Variants in ADCY9 observed in about 807,000 individuals in gnomAD.
ADCY9 encodes the protein adenylate cyclase 9, also known as adenylate cyclase type 9.
In ADCY9, 50 loss-of-function variants were observed where a neutral mutation model predicts 101.5. That is an observed-to-expected ratio of 0.49 (90% CI 0.39 to 0.62). The LOEUF (loss-of-function observed/expected upper bound fraction) is 0.62. Among genes scored for constraint, ADCY9 ranks in the 20% least tolerant of loss-of-function variants. The pLI, the probability that ADCY9 is intolerant of heterozygous loss-of-function variation, is 0.00. For missense variants in ADCY9, 1,662 were observed against 1,800.4 expected (o/e 0.92, Z 1.39); for synonymous variants, 905 against 769.3 (o/e 1.18, Z -2.92).
intron 2 of ADCY9, among the ~76,000 whole-genome samples, chr16:4,078,997 T>C (rs961739301): frequency 1.3e-5 from 2 of 152,256 alleles, no homozygotes; most frequent in African/African-American, 4.8e-5. Context: ...GACAATATTA[T>C]ATTTCATCGA....
intron 2 of ADCY9, among the ~76,000 whole-genome samples, chr16:4,094,234 G>C (rs757859729): frequency 3.9e-5 from 6 of 152,038 alleles, no homozygotes; most frequent in Non-Finnish European, 7.3e-5. Context: ...CACGGAGTCA[G>C]TCACTCACTT....
intron 2 of ADCY9, among the ~76,000 whole-genome samples, chr16:4,031,503 A>G (rs964969599): frequency 1.3e-5 from 2 of 152,200 alleles, no homozygotes; most frequent in Non-Finnish European, 2.9e-5. Flanking sequence ...CAAAATGTTA[A>G]CCACGGGTCA....
chr16:3,983,661 G>A, intron 6 of ADCY9: 1 of 567,474 alleles, frequency 1.8e-6, no homozygotes, highest in Non-Finnish European at 3.1e-6. Context: ...GGGCACGGTG[G>A]CTCACGCCTG....
At position 3,965,811 on chromosome 16, in the gene ADCY9, G is replaced by A. The variant is rs139504822; in HGVS notation, c.4026C>T (p.Asn1342=). Reference sequence around the variant, plus strand: ...TTGAAACGTTGAGCTTGGTGAGTTCGTTGGCTTCTTCTATTCCTGTTTCGT... The same window carrying A: ...TTGAAACGTTGAGCTTGGTGAGTTCATTGGCTTCTTCTATTCCTGTTTCGT... ...DCDETGIEEA[N]ELTKLNVSKS... The change falls in exon 11 of 11, where the codon AAC becomes AAT. Residue 1342 remains asparagine (N), a synonymous_variant. Transcript: ENST00000294016. 32 of 1,613,746 alleles carry A rather than the reference G, an allele frequency of 2.0e-5. No individual in the cohort carries two copies. Among genetic ancestry groups the A allele is most frequent in the South Asian group, 1.6e-4 (15 of 91,058 alleles).
intron 2 of ADCY9, among the ~76,000 whole-genome samples, chr16:4,088,951 T>C (rs1454228440): frequency 6.6e-6 from 1 of 151,834 alleles, no homozygotes; most frequent in African/African-American, 2.4e-5. Context: ...GGAAACCCCA[T>C]CCATACCCAT....
intron 8 of ADCY9, 103 bp downstream of exon 8, chr16:3,979,013 C>T: frequency 6.7e-7 from 1 of 1,490,558 alleles, no homozygotes; most frequent in Non-Finnish European, 9.2e-7. Flanking sequence ...CCATGCCTGG[C>T]CAAAGGGTTT....
intron 2 of ADCY9, among the ~76,000 whole-genome samples, chr16:4,020,078 A>AC (rs1555509612): frequency 4.7e-4 from 8 of 16,942 alleles, no homozygotes; most frequent in African/African-American, 1.0e-3. Flanking sequence ...CTCCATCTCA[A>AC]AAAAAGAAAA....
chr16:4,011,462 C>T (rs944692275), intron 2 of ADCY9, among the ~76,000 whole-genome samples: 3 of 152,076 alleles, frequency 2.0e-5, no homozygotes, highest in East Asian at 1.9e-4. Context: ...CCAGCCACAG[C>T]GGGTGGGAAG....
intron 2 of ADCY9, among the ~76,000 whole-genome samples, chr16:4,014,720 T>C (rs1000250886): frequency 6.6e-6 from 1 of 151,958 alleles, no homozygotes; most frequent in Non-Finnish European, 1.5e-5. Context: ...AGTGCTGGGA[T>C]TAAAGGCGTG....
rs2055984958 is a variant in ADCY9, at chr16:3,965,747, G to A, written c.*28C>T. Reference sequence around the variant, plus strand: ...ATATTACTGTGTTTCGACAAACAGAGCACCTCGGGCAGCGGGTGGGCGCCG... The same window carrying A: ...ATATTACTGTGTTTCGACAAACAGAACACCTCGGGCAGCGGGTGGGCGCCG... On this transcript the variant is annotated 3_prime_UTR_variant, in exon 11 of 11. Coordinates refer to ENST00000294016, the MANE Select transcript of ADCY9 (RefSeq NM_001116.4). The A allele has an allele frequency of 6.3e-7, 1 of 1,580,584 alleles. No homozygotes were observed. The highest frequency in any genetic ancestry group is 8.6e-7 in the Non-Finnish European group (1 of 1,159,936).
chr16:3,960,554 A>C (rs1366951688), downstream of ADCY9, among the ~76,000 whole-genome samples: 1 of 150,930 alleles, frequency 6.6e-6, no homozygotes, highest in South Asian at 2.1e-4. Context: ...ACAACAACAA[A>C]AAATCAAAAG....
intron 2 of ADCY9, among the ~76,000 whole-genome samples, chr16:4,031,392 C>G (rs2056554265): frequency 6.6e-6 from 1 of 152,090 alleles, no homozygotes. Context: ...TATGTGTGTA[C>G]TGTATTATAT....
chr16:3,971,755 A>T (rs954446813), intron 10 of ADCY9, among the ~76,000 whole-genome samples: 2 of 151,898 alleles, frequency 1.3e-5, no homozygotes, highest in Non-Finnish European at 2.9e-5. Flanking sequence ...CTTTAGGAGC[A>T]GGTGTCACCA....
At chr16:4,103,310 C>A (rs550478089) in intron 2 of ADCY9, among the ~76,000 whole-genome samples, 1 of 152,308 alleles carries the variant, frequency 6.6e-6, no homozygotes, top group Non-Finnish European at 1.5e-5. Flanking sequence ...GTCCTTGAGG[C>A]CTTTGCAAGG....
chr16:4,096,863 A>G (rs2057006848), intron 2 of ADCY9, among the ~76,000 whole-genome samples: 1 of 152,152 alleles, frequency 6.6e-6, no homozygotes, highest in Non-Finnish European at 1.5e-5. Flanking sequence ...AAATGATTCA[A>G]AAGCTGCTTT....
chr16:4,072,275 A>T (rs1314019101), intron 2 of ADCY9, among the ~76,000 whole-genome samples: 1 of 152,230 alleles, frequency 6.6e-6, no homozygotes, highest in Admixed American at 6.5e-5. Context: ...AGGCTGAAGT[A>T]GCTCCATCGT....
chr16:4,019,914 C>T (rs1359263631), intron 2 of ADCY9, among the ~76,000 whole-genome samples: 7 of 152,066 alleles, frequency 4.6e-5, no homozygotes, highest in African/African-American at 1.7e-4. Flanking sequence ...CCTGTCTCCA[C>T]TAAAAATACA....
In ADCY9 at chr16:4,024,108, C is replaced by T. The variant is rs961275160; in HGVS notation, c.1694-16550G>A. Among the ~76,000 whole-genome samples, 3 of 151,892 alleles carry T rather than the reference C, an allele frequency of 2.0e-5. No homozygotes were observed. The East Asian group carries it at 5.8e-4, about 30-fold the overall frequency. ...CACAATCTCGGCTCACTGCAACCTC[C>T]GCCTCCTGGGTTCGAGTGATTCTCC... On this transcript the variant is annotated intron_variant, in intron 2 of 10. Transcript: ENST00000294016.
chr16:4,114,842 G>C lies in ADCY9; in HGVS notation c.601C>G (p.Arg201Gly). The C allele has an allele frequency of 6.2e-7, 1 of 1,613,576 alleles. No individual in the cohort carries two copies. Among genetic ancestry groups the C allele is most frequent in the Non-Finnish European group, 8.5e-7 (1 of 1,180,050 alleles). The change falls in exon 2 of 11, where the codon CGC (arginine) becomes GGC (glycine). Residue 201 changes from arginine to glycine, a missense_variant. Coordinates refer to ENST00000294016, the MANE Select transcript of ADCY9 (RefSeq NM_001116.4). The surrounding 1 kb of genome is among the most constrained non-coding windows in gnomAD (Gnocchi z 4.3). Reference protein sequence around the residue: ...QFQVLTPVSGRGDSSNLTATA... With the variant: ...QFQVLTPVSGGGDSSNLTATA... Reference sequence around the variant, plus strand: ...GCCGTAAGGTTGGAGCTGTCGCCGCGTCCTGAGACAGGCGTCAAGACCTGG... The same window carrying C: ...GCCGTAAGGTTGGAGCTGTCGCCGCCTCCTGAGACAGGCGTCAAGACCTGG...
Sources: gnomAD v4.1 joint callset for allele counts (sites outside exome capture counted in the v4.1 genomes callset) on GRCh38, gnomAD v4.1.1 for gene constraint, Gnocchi (gnomAD v3.1) non-coding constraint, MANE v1.5 for transcripts, NCBI Gene and HGNC (gene_info 2026-07-23, HGNC 2026-07-21) for gene names.